The following FBXO4 variants were observed in gnomAD, a reference collection of about 807,000 sequenced individuals.
The protein encoded by FBXO4 is F-box protein 4, also known as F-box only protein 4.
Under a neutral mutation model 43.7 loss-of-function variants are expected in FBXO4, and 36 were observed. That is an observed-to-expected ratio of 0.82 (90% CI 0.63 to 1.09). The LOEUF (loss-of-function observed/expected upper bound fraction) is 1.09. Among genes scored for constraint, FBXO4 ranks in the 50% least tolerant of loss-of-function variants. The pLI is 0.00. For missense variants in FBXO4, 435 were observed against 474.1 expected (o/e 0.92, Z 0.77); for synonymous variants, 180 against 165.6 (o/e 1.09, Z -0.67).
chr5:42,003,311 A>G, the FBXO4 span, among the ~76,000 whole-genome samples: 6 of 152,212 alleles, frequency 3.9e-5, no homozygotes, highest in African/African-American at 1.4e-4. Context: ...GTAATTGGCC[A>G]GACCTGACAC....
rs909437609 is a variant in FBXO4, at chr5:41,925,822, G to A, written c.189+324G>A. On this transcript the variant is annotated intron_variant, in intron 1 of 6. Transcript: ENST00000281623. ...TAGGACACCCTGAATGTCCGGTTACGGAAATGAGACAGTTCCCAACTTGCT... is the reference window on the plus strand; with the variant it reads ...TAGGACACCCTGAATGTCCGGTTACAGAAATGAGACAGTTCCCAACTTGCT... 4.6e-5 allele frequency among the ~76,000 whole-genome samples: 7 copies of A among 152,170 alleles called. 1 individual carries two copies. The highest frequency in any genetic ancestry group is 2.1e-4 in the South Asian group (1 of 4,832).
the FBXO4 span, among the ~76,000 whole-genome samples, chr5:41,989,132 T>C: frequency 6.6e-6 from 1 of 152,186 alleles, no homozygotes; most frequent in Non-Finnish European, 1.5e-5. Flanking sequence ...TTGAACACAA[T>C]ACCAGTGAAC....
the FBXO4 span, among the ~76,000 whole-genome samples, chr5:42,004,816 T>C: frequency 2.5e-4 from 38 of 152,104 alleles, no homozygotes; most frequent in Non-Finnish European, 3.2e-4. Context: ...GGGTGGTGAG[T>C]TAGGGTCAAC....
chr5:41,969,445 C>G, the FBXO4 span, among the ~76,000 whole-genome samples: 2 of 152,116 alleles, frequency 1.3e-5, no homozygotes, highest in African/African-American at 4.8e-5. Flanking sequence ...CAATTTTGTG[C>G]TGATAGAACA....
the FBXO4 span, chr5:41,963,944 TA>T: frequency 6.6e-6 from 1 of 152,268 alleles, no homozygotes; most frequent in African/African-American, 2.4e-5. Context: ...CGGTTAGTTG[TA>T]AACACCATTG....
chr5:41,979,078 A>G, the FBXO4 span, among the ~76,000 whole-genome samples: 1 of 152,216 alleles, frequency 6.6e-6, no homozygotes, highest in Non-Finnish European at 1.5e-5. Flanking sequence ...ATGTTTTGCA[A>G]TAAAGCTTTA....
chr5:41,962,178 G>A, the FBXO4 span, among the ~76,000 whole-genome samples: 1 of 152,178 alleles, frequency 6.6e-6, no homozygotes, highest in Non-Finnish European at 1.5e-5. Flanking sequence ...GCATATGAAA[G>A]TTTCTTTAGA....
In FBXO4 at chr5:41,929,984, G is replaced by T. The variant is rs990775804; in HGVS notation, c.646+67G>T. ...GCTTGACATTCTTGTTAAAAAGAAA[G>T]AAATTCATTTTAAATTAATTATTTG... On this transcript the variant is annotated intron_variant, in intron 3 of 6. Coordinates refer to ENST00000281623, the MANE Select transcript of FBXO4 (RefSeq NM_012176.3). 6 of 1,260,926 alleles carry T rather than the reference G, an allele frequency of 4.8e-6. No homozygotes were observed. The African/African-American group carries it at 9.0e-5, about 19-fold the overall frequency. 78.1% of individuals were successfully genotyped at this position (1,260,926 alleles called of 1,614,324 possible). A position where few individuals can be genotyped will look rare whatever the true frequency, so the allele number is the denominator to read the frequency against.
chr5:42,014,243 A>G, the FBXO4 span, among the ~76,000 whole-genome samples: 10 of 152,144 alleles, frequency 6.6e-5, no homozygotes, highest in Non-Finnish European at 1.3e-4. Flanking sequence ...AGAAAATTAA[A>G]CATCCGCTAC....
chr5:42,021,403 C>T, the FBXO4 span, among the ~76,000 whole-genome samples: 2 of 152,078 alleles, frequency 1.3e-5, no homozygotes, highest in African/African-American at 4.8e-5. Context: ...TTTGAGCACC[C>T]TTTTAGATCA....
intron 5 of FBXO4, among the ~76,000 whole-genome samples, chr5:41,935,817 A>G (rs545536950): frequency 3.9e-5 from 6 of 152,328 alleles, no homozygotes; most frequent in Admixed American, 3.3e-4. Context: ...CCTCTTCCCC[A>G]TAACCCCCAT....
At chr5:41,994,230 C>T in the FBXO4 span, among the ~76,000 whole-genome samples, 4 of 152,056 alleles carry the variant, frequency 2.6e-5, no homozygotes, top group African/African-American at 9.7e-5. Flanking sequence ...TACTTAAATG[C>T]TAATAGGAAC....
At chr5:42,020,803 C>A in the FBXO4 span, among the ~76,000 whole-genome samples, 1 of 152,162 alleles carries the variant, frequency 6.6e-6, no homozygotes, top group African/African-American at 2.4e-5. Flanking sequence ...TTTATCTTTC[C>A]AATACCCACT....
the FBXO4 span, among the ~76,000 whole-genome samples, chr5:42,011,806 C>T: frequency 7.3e-3 from 1,114 of 152,236 alleles, 6 homozygotes; most frequent in Non-Finnish European, 0.012. Flanking sequence ...GTACAAATAA[C>T]CATGCCAAAT....
the FBXO4 span, among the ~76,000 whole-genome samples, chr5:41,998,541 A>C: frequency 1.2e-4 from 18 of 152,146 alleles, no homozygotes; most frequent in African/African-American, 4.1e-4. Context: ...CCAGCAAATA[A>C]ATTATTAGAA....
chr5:41,999,541 A>G, the FBXO4 span, among the ~76,000 whole-genome samples: 1 of 109,350 alleles, frequency 9.1e-6, no homozygotes, highest in Admixed American at 9.7e-5. Flanking sequence ...ATATACATAT[A>G]TATGTATATA....
At chr5:42,000,452 G>T in the FBXO4 span, among the ~76,000 whole-genome samples, 1 of 152,090 alleles carries the variant, frequency 6.6e-6, no homozygotes, top group Non-Finnish European at 1.5e-5. Context: ...TTGTTTTTGA[G>T]ATATTGAAAT....
chr5:41,976,484 A>G, the FBXO4 span, among the ~76,000 whole-genome samples: 2 of 152,222 alleles, frequency 1.3e-5, no homozygotes, highest in African/African-American at 4.8e-5. Flanking sequence ...TCCAAAAGGG[A>G]GAAATTGGCC....
chr5:42,015,266 G>T, the FBXO4 span, among the ~76,000 whole-genome samples: 1 of 152,206 alleles, frequency 6.6e-6, no homozygotes, highest in South Asian at 2.1e-4. Context: ...ATACTGTTGA[G>T]ATTTTGTGTG....
Sources: allele counts gnomAD v4.1 joint callset (sites outside exome capture counted in the v4.1 genomes callset), GRCh38; gene constraint gnomAD v4.1.1; transcripts MANE v1.5; gene names NCBI Gene and HGNC (gene_info 2026-07-23, HGNC 2026-07-21).